DCC: variants seen among roughly 807,000 people sequenced by gnomAD.
DCC encodes the protein netrin receptor DCC.
DCC carries 58 observed loss-of-function variants against 172.5 expected under a neutral mutation model. That is an observed-to-expected ratio of 0.34 (90% confidence interval 0.27 to 0.42). The LOEUF (loss-of-function observed/expected upper bound fraction) is 0.42. Among genes scored for constraint, DCC ranks in the 10% least tolerant of loss-of-function variants. DCC has a pLI of 1.00. For synonymous variants in DCC, 709 were observed against 644.5 expected, an observed-to-expected ratio of 1.10 and a Z score of -1.52; for missense variants, 1,740 against 1,791.0, an observed-to-expected ratio of 0.97 and a Z score of 0.51.
At chr18:53,346,469 G>A (rs970868462) in intron 15 of DCC, among the ~76,000 whole-genome samples, 5 of 151,902 alleles carry the variant, frequency 3.3e-5, no homozygotes, top group East Asian at 1.9e-4. Context: ...GTTTTCTTTC[G>A]TTTTTTAACC....
At chr18:52,954,760 C>T (rs2040714588) in intron 5 of DCC, among the ~76,000 whole-genome samples, 1 of 152,138 alleles carries the variant, frequency 6.6e-6, no homozygotes, top group Admixed American at 6.5e-5. Context: ...ATTCGTTCCT[C>T]AGTCTCTTGT....
Position 52,634,664 on chromosome 18 carries a change from A to G in DCC, c.92-117390A>G, listed in dbSNP as rs926261946. Among the ~76,000 whole-genome samples, 5 of 152,298 alleles carry G rather than the reference A, an allele frequency of 3.3e-5. No individual in the cohort carries two copies. In the East Asian group the frequency reaches 7.7e-4, roughly 23 times the overall value. The stretch of plus-strand genomic sequence containing the variant: ...ACAATCATTATTACAGATTTTACTG[A>G]TTGGTTTTATTTAACAGTATAACTT... On this transcript the variant is annotated intron_variant, in intron 1 of 28. Transcript: ENST00000442544.
intron 2 of DCC, among the ~76,000 whole-genome samples, chr18:52,870,215 G>T (rs1447561091): frequency 1.3e-5 from 2 of 152,104 alleles, no homozygotes; most frequent in East Asian, 1.9e-4. Flanking sequence ...GAGTGGTGAC[G>T]CAGGAACAGA....
intron 5 of DCC, among the ~76,000 whole-genome samples, chr18:53,035,922 C>T (rs907307890): frequency 3.9e-5 from 6 of 152,038 alleles, no homozygotes; most frequent in African/African-American, 1.4e-4. Context: ...TAGTATTTCA[C>T]TATTACAAAT....
chr18:52,918,064 A>T (rs2145475349), intron 3 of DCC, among the ~76,000 whole-genome samples: 1 of 152,206 alleles, frequency 6.6e-6, no homozygotes, highest in East Asian at 1.9e-4. Context: ...TCTCAGTTTT[A>T]TTTTAAAATA....
intron 1 of DCC, among the ~76,000 whole-genome samples, chr18:52,715,446 C>T (rs1445261659): frequency 6.6e-6 from 1 of 151,836 alleles, no homozygotes; most frequent in African/African-American, 2.4e-5. Context: ...ATTACAGGCA[C>T]CTGCCACCAC....
chr18:52,700,367 A>C (rs1043181816), intron 1 of DCC, among the ~76,000 whole-genome samples: 1 of 150,048 alleles, frequency 6.7e-6, no homozygotes, highest in Non-Finnish European at 1.5e-5. Context: ...GCACACACAC[A>C]CATGCACACA....
At chr18:53,453,206 C>T (rs567562334) in intron 23 of DCC, among the ~76,000 whole-genome samples, 32 of 152,240 alleles carry the variant, frequency 2.1e-4, no homozygotes, top group South Asian at 8.3e-4. Context: ...TGAGCCACCG[C>T]GCCCGGCCCC....
chr18:53,158,568 T>C (rs1015380422), intron 8 of DCC, among the ~76,000 whole-genome samples: 1 of 152,206 alleles, frequency 6.6e-6, no homozygotes, highest in Non-Finnish European at 1.5e-5. Flanking sequence ...GACAGTCTGG[T>C]GCTCAGGTGG....
chr18:52,589,828 T>C (rs1416336374), intron 1 of DCC, among the ~76,000 whole-genome samples: 1 of 152,202 alleles, frequency 6.6e-6, no homozygotes, highest in East Asian at 1.9e-4. Context: ...ACAATTATAT[T>C]GCTGGTAGAG....
intron 1 of DCC, among the ~76,000 whole-genome samples, chr18:52,651,119 A>G (rs182641342): frequency 1.3e-5 from 2 of 152,218 alleles, no homozygotes; most frequent in East Asian, 1.9e-4. Context: ...ATACTTTTAC[A>G]TGTATGTATT....
chr18:52,559,498 A>G (rs904448106), intron 1 of DCC, among the ~76,000 whole-genome samples: 2 of 152,222 alleles, frequency 1.3e-5, no homozygotes, highest in African/African-American at 2.4e-5. Flanking sequence ...CATGCCATAA[A>G]GGATCCAGAC....
chr18:52,492,723 T>G (rs1372730457), intron 1 of DCC, among the ~76,000 whole-genome samples: 1 of 151,980 alleles, frequency 6.6e-6, no homozygotes, highest in African/African-American at 2.4e-5. Context: ...TGCCCCGCAG[T>G]GTGTGTGATT....
chr18:53,278,982 A>G (rs958168250), intron 12 of DCC, among the ~76,000 whole-genome samples: 2 of 152,098 alleles, frequency 1.3e-5, no homozygotes, highest in African/African-American at 4.8e-5. Flanking sequence ...CTGAGGAATC[A>G]CCACACTGAC....
chr18:53,499,229 G>T, intron 26 of DCC, 69 bp from the exon 27 acceptor site: 2 of 1,497,050 alleles, frequency 1.3e-6, no homozygotes, highest in East Asian at 4.5e-5. Flanking sequence ...TGCAGGGACT[G>T]TTCCAGTGAC....
intron 1 of DCC, among the ~76,000 whole-genome samples, chr18:52,522,303 A>G (rs1168836616): frequency 6.6e-6 from 1 of 152,144 alleles, no homozygotes; most frequent in African/African-American, 2.4e-5. Flanking sequence ...TCTAGATTCC[A>G]TGGAAATTAT....
intron 5 of DCC, among the ~76,000 whole-genome samples, chr18:52,956,540 G>A (rs1231731552): frequency 6.6e-6 from 1 of 152,092 alleles, no homozygotes; most frequent in African/African-American, 2.4e-5. Flanking sequence ...CAGTCCTCCA[G>A]CTTTGTTCTT....
intron 2 of DCC, among the ~76,000 whole-genome samples, chr18:52,775,585 C>T (rs1599097518): frequency 1.3e-5 from 2 of 152,212 alleles, no homozygotes; most frequent in African/African-American, 4.8e-5. Context: ...GTGGCCCCAG[C>T]TTTCCTCCAA....
chr18:53,073,321 C>T (rs1031902882), intron 7 of DCC, among the ~76,000 whole-genome samples: 3 of 152,178 alleles, frequency 2.0e-5, no homozygotes, highest in South Asian at 4.2e-4. Context: ...GTCAGGAGAT[C>T]GAGACCATCC....
Sources: allele counts gnomAD v4.1 joint callset (sites outside exome capture counted in the v4.1 genomes callset), GRCh38; gene constraint gnomAD v4.1.1; transcripts MANE v1.5; gene names NCBI Gene and HGNC (gene_info 2026-07-23, HGNC 2026-07-21).